Variants in ME3 observed in about 807,000 individuals in gnomAD.
The protein encoded by ME3 is malic enzyme 3.
A neutral mutation model predicts 68.9 loss-of-function variants in ME3; 48 were observed. That is an observed-to-expected ratio of 0.70 (90% CI 0.55 to 0.89). The LOEUF (loss-of-function observed/expected upper bound fraction) is 0.89. ME3 is among the 40% of genes least tolerant of loss of function. The pLI is 0.00. For synonymous variants in ME3, 320 were observed against 318.8 expected, an observed-to-expected ratio of 1.00 and a Z score of -0.04; for missense variants, 675 against 797.4, an observed-to-expected ratio of 0.85 and a Z score of 1.85.
intron 2 of ME3, among the ~76,000 whole-genome samples, chr11:86,607,763 G>T (rs1004677419): frequency 6.6e-6 from 1 of 151,242 alleles, no homozygotes; most frequent in Non-Finnish European, 1.5e-5. Context: ...AGCAAAAGTT[G>T]ATCTCGCAGT....
rs969075126 is a variant in ME3, at chr11:86,593,198, T to C, written c.184-33375A>G. On this transcript the variant is annotated intron_variant, in intron 2 of 14. Transcript: ENST00000543262. ...AGACCCATGATTTCCTCCACCCTCCTTCACTCACATAGTAAAAGTTAGCTA... is the reference window on the plus strand; with the variant it reads ...AGACCCATGATTTCCTCCACCCTCCCTCACTCACATAGTAAAAGTTAGCTA... Among the ~76,000 whole-genome samples the C allele has an allele frequency of 1.0e-4, 12 of 116,904 alleles. 1 individual carries two copies. The highest frequency in any genetic ancestry group is 1.9e-4 in the Non-Finnish European group (11 of 56,626). The allele number at this position is 116,904 out of a possible 152,430, so 76.7% of individuals were successfully genotyped here.
intron 4 of ME3, among the ~76,000 whole-genome samples, chr11:86,518,886 T>C (rs79322554): frequency 0.029 from 4,437 of 152,046 alleles, 140 homozygotes; most frequent in African/African-American, 0.076. Flanking sequence ...GAAACAGAGA[T>C]TGGACTGATG....
chr11:86,450,350 GT>G lies in ME3; in HGVS notation c.967del (p.Thr323ProfsTer30). On this transcript the variant is annotated frameshift_variant, in exon 9 of 15. Coordinates refer to ENST00000543262, the Ensembl canonical transcript of ME3. LOFTEE classifies it high-confidence loss of function. ...CACGTGATTGGAAAGCTTGTTCTTG[GT>G]GATTCGCAGAGCAGCCAAGATCCCT... is the stretch of plus-strand genomic sequence containing the variant. 1 of 1,614,124 alleles carries G rather than the reference GT, an allele frequency of 6.2e-7. No homozygotes were observed. Among genetic ancestry groups the G allele is most frequent in the Non-Finnish European group, 8.5e-7 (1 of 1,180,010 alleles).
intron 6 of ME3, among the ~76,000 whole-genome samples, chr11:86,495,622 C>T (rs1426646741): frequency 2.0e-5 from 3 of 152,076 alleles, no homozygotes; most frequent in Non-Finnish European, 4.4e-5. Flanking sequence ...TCTTTGAGGC[C>T]AAAAGACAAT....
exon 2 of ME3, chr11:86,671,818 G>A (rs1946968409): frequency 1.2e-6 from 2 of 1,601,988 alleles, no homozygotes; most frequent in Non-Finnish European, 1.7e-6. Context: ...AGGGGCACAG[G>A]GCGCGCCGGG....
At chr11:86,621,544 G>C (rs1943350465) in intron 2 of ME3, among the ~76,000 whole-genome samples, 1 of 152,034 alleles carries the variant, frequency 6.6e-6, no homozygotes, top group Admixed American at 6.6e-5. Context: ...TAAATCAGGA[G>C]TCTTTCTTTT....
chr11:86,651,233 T>C (rs1945399050), intron 2 of ME3, among the ~76,000 whole-genome samples: 1 of 152,152 alleles, frequency 6.6e-6, no homozygotes, highest in Admixed American at 6.5e-5. Flanking sequence ...GTCTGACAGC[T>C]TGGAAGACAG....
chr11:86,608,299 C>A (rs779382344), intron 2 of ME3, among the ~76,000 whole-genome samples: 1 of 152,084 alleles, frequency 6.6e-6, no homozygotes, highest in Non-Finnish European at 1.5e-5. Context: ...AGTCCACGCA[C>A]GCTTGCTTAA....
downstream of ME3, chr11:86,436,834 AT>A (rs1201418521): frequency 1.3e-5 from 2 of 152,182 alleles, no homozygotes; most frequent in African/African-American, 4.8e-5. Context: ...AAATTAGTAA[AT>A]TTGATTAAAA....
chr11:86,632,888 A>G (rs1056655717), intron 2 of ME3, among the ~76,000 whole-genome samples: 1 of 152,148 alleles, frequency 6.6e-6, no homozygotes, highest in Non-Finnish European at 1.5e-5. Context: ...AGGAAACACA[A>G]CGGTGAGGAA....
intron 2 of ME3, among the ~76,000 whole-genome samples, chr11:86,636,540 A>G (rs548513312): frequency 2.0e-3 from 312 of 152,260 alleles, no homozygotes; most frequent in Non-Finnish European, 3.4e-3. Flanking sequence ...GACACACATG[A>G]CAGCCTGCAG....
chr11:86,670,874 G>A (rs1946886580), intron 2 of ME3, among the ~76,000 whole-genome samples: 1 of 152,180 alleles, frequency 6.6e-6, no homozygotes, highest in Admixed American at 6.5e-5. Context: ...GATAGAAATG[G>A]TGGGTCTATC....
chr11:86,560,750 A>ATG (rs1437232456), intron 2 of ME3, among the ~76,000 whole-genome samples: 2 of 21,126 alleles, frequency 9.5e-5, no homozygotes, highest in South Asian at 3.0e-3. Flanking sequence ...GTGTGTGTGT[A>ATG]TATATATATA....
At chr11:86,642,984 G>C (rs752466746) in intron 2 of ME3, among the ~76,000 whole-genome samples, 4 of 143,184 alleles carry the variant, frequency 2.8e-5, no homozygotes, top group Non-Finnish European at 6.0e-5. Flanking sequence ...TAAATATAAG[G>C]TTTCTATTAG....
chr11:86,527,203 A>C (rs1954826695), intron 4 of ME3, among the ~76,000 whole-genome samples: 1 of 152,242 alleles, frequency 6.6e-6, no homozygotes, highest in Non-Finnish European at 1.5e-5. Flanking sequence ...AAGGCACGAG[A>C]ACTACGTGAC....
At chr11:86,569,827 G>A (rs1957691478) in intron 2 of ME3, among the ~76,000 whole-genome samples, 3 of 152,186 alleles carry the variant, frequency 2.0e-5, no homozygotes, top group Non-Finnish European at 4.4e-5. Flanking sequence ...AAGCTGGTGG[G>A]AAAACCAGGA....
At chr11:86,449,906 T>C (rs1285602552) in exon 10 of ME3, 2 of 1,613,710 alleles carry the variant, frequency 1.2e-6, no homozygotes, top group South Asian at 2.2e-5. Flanking sequence ...ATGAGCCCTT[T>C]AGAGTCCACC....
At chr11:86,502,514 C>T (rs376300565) in intron 5 of ME3, among the ~76,000 whole-genome samples, 13 of 152,312 alleles carry the variant, frequency 8.5e-5, no homozygotes, top group South Asian at 2.1e-4. Context: ...GTGTCTTCTG[C>T]GCTGAACAGA....
chr11:86,670,368 G>A (rs1333284344), intron 2 of ME3, among the ~76,000 whole-genome samples: 1 of 152,230 alleles, frequency 6.6e-6, no homozygotes, highest in Non-Finnish European at 1.5e-5. Flanking sequence ...GAGCCAGAGA[G>A]AATCTGCATC....
Sources: allele counts gnomAD v4.1 joint callset (sites outside exome capture counted in the v4.1 genomes callset), GRCh38; gene constraint gnomAD v4.1.1; transcripts MANE v1.5; gene names NCBI Gene and HGNC (gene_info 2026-07-23, HGNC 2026-07-21).